The following MACC1 variants were observed in gnomAD, a reference collection of about 807,000 sequenced individuals.
The protein encoded by MACC1 is metastasis-associated in colon cancer protein 1.
A neutral mutation model predicts 70.7 loss-of-function variants in MACC1; 79 were observed. That is an observed-to-expected ratio of 1.12 (90% CI 0.93 to 1.35). The LOEUF (loss-of-function observed/expected upper bound fraction) is 1.35. MACC1 is among the 40% of genes most tolerant of loss of function. The pLI is 0.00. For synonymous variants in MACC1, 361 were observed against 347.2 expected, an observed-to-expected ratio of 1.04 and a Z score of -0.44; for missense variants, 1,106 against 978.1, an observed-to-expected ratio of 1.13 and a Z score of -1.74.
rs773862610 is a variant in MACC1 at position 20,159,377 on chromosome 7, A to G, written c.984T>C (p.Ile328=). Residue 328 remains isoleucine, a synonymous_variant, in exon 5 of 7, where the codon ATT becomes ATC. Transcript: ENST00000400331. ...GCTTGACTTGGATGGTGTCTTTATA[A>G]ATGTAGCAGTTGCTTAAAACTTTAA... The part of the protein sequence containing the change: ...GPFKVLSNCY[I]YKDTIQVKLI... 9 of 1,614,030 alleles carry G rather than the reference A, an allele frequency of 5.6e-6. No individual in the cohort carries two copies. The South Asian group carries it at 8.8e-5, about 16-fold the overall frequency.
At chr7:20,195,860 T>G (rs2128107632) in intron 1 of MACC1, among the ~76,000 whole-genome samples, 1 of 152,322 alleles carries the variant, frequency 6.6e-6, no homozygotes, top group African/African-American at 2.4e-5. Flanking sequence ...TAGGGGTGTG[T>G]GACTTAACCT....
chr7:20,156,571 A>G (rs1237190736), intron 5 of MACC1, among the ~76,000 whole-genome samples: 1 of 152,248 alleles, frequency 6.6e-6, no homozygotes, highest in African/African-American at 2.4e-5. Context: ...TACAAAATGC[A>G]CACGCAGCTT....
At chr7:20,177,656 T>TC (rs1782415949) in intron 1 of MACC1, among the ~76,000 whole-genome samples, 1 of 151,812 alleles carries the variant, frequency 6.6e-6, no homozygotes, top group East Asian at 1.9e-4. Context: ...CGCACTTTTT[T>TC]CACAGTTTAA....
chr7:20,202,196 G>C (rs1321341105), intron 1 of MACC1, among the ~76,000 whole-genome samples: 3 of 152,150 alleles, frequency 2.0e-5, no homozygotes, highest in Non-Finnish European at 4.4e-5. Context: ...CAGTTATTTA[G>C]CAATTCATTA....
chr7:20,201,237 TC>T (rs982301012), intron 1 of MACC1, among the ~76,000 whole-genome samples: 3 of 151,726 alleles, frequency 2.0e-5, no homozygotes, highest in Non-Finnish European at 4.4e-5. Flanking sequence ...TCTCAGACTG[TC>T]CCCCCCATGG....
intron 1 of MACC1, among the ~76,000 whole-genome samples, chr7:20,195,518 G>A (rs1164120301): frequency 2.0e-5 from 3 of 152,220 alleles, no homozygotes; most frequent in Admixed American, 6.5e-5. Flanking sequence ...TGACACATGC[G>A]TATTGAGCAA....
At chr7:20,143,427 C>T (rs1407148226) in intron 6 of MACC1, among the ~76,000 whole-genome samples, 2 of 152,166 alleles carry the variant, frequency 1.3e-5, no homozygotes, top group East Asian at 1.9e-4. Context: ...CTGGCTCTGT[C>T]GCCCAGGCTG....
intron 1 of MACC1, among the ~76,000 whole-genome samples, chr7:20,184,684 C>T (rs1311159102): frequency 2.6e-5 from 4 of 152,084 alleles, no homozygotes; most frequent in Non-Finnish European, 5.9e-5. Flanking sequence ...GAAATGTTTA[C>T]CTTTTGTCTG....
chr7:20,179,995 A>T (rs1782476307), intron 1 of MACC1, among the ~76,000 whole-genome samples: 1 of 152,150 alleles, frequency 6.6e-6, no homozygotes, highest in Non-Finnish European at 1.5e-5. Context: ...CTGTTTATTG[A>T]TATTTTTAGG....
rs780851274 is a variant in MACC1 at position 20,158,636 on chromosome 7, C to G, written c.1725G>C (p.Gly575=). The G allele has an allele frequency of 3.7e-6, 6 of 1,613,942 alleles. No individual in the cohort carries two copies. Among genetic ancestry groups the G allele is most frequent in the Non-Finnish European group, 5.1e-6 (6 of 1,179,970 alleles). ...CTTCCCCGAGGAGAGCTATTGTGTC[C>G]CCTTTGAAATATTCAAGGAAGTAAT... ...KIDYFLEYFK[G]DTIALLGEGK... The change falls in exon 5 of 7, where the codon GGG becomes GGC. Residue 575 remains glycine (G), a synonymous_variant. Transcript: ENST00000400331.
intron 5 of MACC1, among the ~76,000 whole-genome samples, chr7:20,155,255 A>C (rs560691462): frequency 6.6e-6 from 1 of 152,340 alleles, no homozygotes; most frequent in Admixed American, 6.5e-5. Context: ...CCAAGAATCC[A>C]AAGGAGTCAC....
At position 20,201,336 on chromosome 7, in the gene MACC1, A is replaced by T. The variant is rs1036376312; in HGVS notation, c.-218+15963T>A. Among the ~76,000 whole-genome samples, 7 of 152,254 alleles carry T rather than the reference A, an allele frequency of 4.6e-5. No homozygotes were observed. In the East Asian group the frequency reaches 1.3e-3, roughly 29 times the overall value. ...GCTCCACAGTGAAATTTGTAGGGAG[A>T]AGCAGGATGAAGTGCTTCAGGTAAA... On this transcript the variant is annotated intron_variant, in intron 1 of 6. Transcript: ENST00000400331.
At position 20,160,112 on chromosome 7, in the gene MACC1, T is replaced by C; in HGVS notation, c.249A>G (p.Gln83=). The change falls in exon 5 of 7, where the codon CAA becomes CAG. Residue 83 remains glutamine, a synonymous_variant. Transcript: ENST00000400331. ...ASNPFLDDIT[Q]LRNNRKRNNI... ...TATTTCTCTTCCTGTTATTTCTTAG[T>C]TGAGTTATGTCATCCAAAAATGGGT... 6.2e-7 allele frequency: 1 copy of C among 1,613,162 alleles called. No individual in the cohort carries two copies.
intron 1 of MACC1, among the ~76,000 whole-genome samples, chr7:20,214,086 C>T (rs933544714): frequency 1.3e-5 from 2 of 152,142 alleles, no homozygotes; most frequent in South Asian, 4.2e-4. Flanking sequence ...CCAAAGAGCT[C>T]TCCTGGTGTC....
chr7:20,213,559 T>C (rs1255573835), intron 1 of MACC1, among the ~76,000 whole-genome samples: 2 of 152,058 alleles, frequency 1.3e-5, no homozygotes, highest in Non-Finnish European at 2.9e-5. Context: ...ATAAAGAAAA[T>C]GTGGTACATA....
intron 1 of MACC1, among the ~76,000 whole-genome samples, chr7:20,172,740 C>G (rs1049267132): frequency 3.3e-5 from 5 of 152,192 alleles, no homozygotes; most frequent in African/African-American, 1.2e-4. Context: ...CCCAAAGTGA[C>G]AGTGAACCTC....
chr7:20,208,152 C>T (rs1003249319), intron 1 of MACC1, among the ~76,000 whole-genome samples: 2 of 152,164 alleles, frequency 1.3e-5, no homozygotes, highest in African/African-American at 2.4e-5. Context: ...AAACCTCTTT[C>T]TTTTATAAAT....
At chr7:20,177,221 A>G (rs909528379) in intron 1 of MACC1, among the ~76,000 whole-genome samples, 1 of 152,196 alleles carries the variant, frequency 6.6e-6, no homozygotes. Flanking sequence ...CCGGAAATAC[A>G]CAAGCACAGA....
chr7:20,188,973 G>T (rs1356940073), intron 1 of MACC1, among the ~76,000 whole-genome samples: 118 of 152,094 alleles, frequency 7.8e-4, no homozygotes, highest in Non-Finnish European at 1.6e-4. Flanking sequence ...ATTCATCTGA[G>T]ATCATCTCAC....
Sources: allele counts gnomAD v4.1 joint callset (sites outside exome capture counted in the v4.1 genomes callset), GRCh38; gene constraint gnomAD v4.1.1; transcripts MANE v1.5; gene names NCBI Gene and HGNC (gene_info 2026-07-23, HGNC 2026-07-21).